The following PALLD variants were observed in gnomAD, a reference collection of about 807,000 sequenced individuals.
PALLD encodes the protein palladin.
A neutral mutation model predicts 123.5 loss-of-function variants in PALLD; 61 were observed. The observed-to-expected ratio is 0.49, with a 90% CI of 0.40 to 0.61. PALLD has a LOEUF of 0.61. PALLD is among the 20% of genes least tolerant of loss of function. PALLD has a pLI of 0.00. For missense variants in PALLD, 1,273 were observed against 1,377.0 expected, an observed-to-expected ratio of 0.92 and a Z score of 1.20; for synonymous variants, 465 against 496.4, an observed-to-expected ratio of 0.94 and a Z score of 0.84.
intron 10 of PALLD, among the ~76,000 whole-genome samples, chr4:168,880,212 G>C (rs1752420261): frequency 6.6e-6 from 1 of 152,206 alleles, no homozygotes; most frequent in African/African-American, 2.4e-5. Flanking sequence ...AGGAGCACTT[G>C]CTTCTTGTCA....
intron 10 of PALLD, among the ~76,000 whole-genome samples, chr4:168,768,894 T>C (rs542841651): frequency 3.3e-4 from 50 of 151,714 alleles, no homozygotes; most frequent in Non-Finnish European, 5.4e-4. Context: ...AGTGATGCCA[T>C]CTCAGCTCAC....
At chr4:168,911,301 A>T (rs1758892585) in intron 15 of PALLD, among the ~76,000 whole-genome samples, 1 of 152,240 alleles carries the variant, frequency 6.6e-6, no homozygotes, top group Non-Finnish European at 1.5e-5. Flanking sequence ...TTAAGTCTGA[A>T]TTTAACTTAC....
intron 10 of PALLD, chr4:168,878,105 C>A: frequency 6.9e-7 from 1 of 1,447,716 alleles, no homozygotes. Context: ...CTTCGCGCAG[C>A]CCTTCGGCGC....
intron 10 of PALLD, among the ~76,000 whole-genome samples, chr4:168,761,641 G>GTTTGTTTTTTTTT (rs1391848363): frequency 8.6e-5 from 1 of 11,650 alleles, no homozygotes; most frequent in Non-Finnish European, 2.1e-4. Flanking sequence ...TGTTGTTGTT[G>GTTTGTTTTTTTTT]TTTGTTTTTT....
chr4:168,583,473 A>G (rs1218400137), intron 2 of PALLD, among the ~76,000 whole-genome samples: 1 of 152,158 alleles, frequency 6.6e-6, no homozygotes, highest in Non-Finnish European at 1.5e-5. Flanking sequence ...AAGAGCTCCC[A>G]GGGAGTACTG....
intron 2 of PALLD, among the ~76,000 whole-genome samples, chr4:168,603,244 A>T (rs1404423598): frequency 5.9e-5 from 9 of 152,254 alleles, no homozygotes; most frequent in Admixed American, 4.6e-4. Context: ...ACATTTTAAT[A>T]GACCACTTAA....
intron 2 of PALLD, among the ~76,000 whole-genome samples, chr4:168,657,534 T>A (rs1209971301): frequency 6.6e-6 from 1 of 152,186 alleles, no homozygotes; most frequent in Non-Finnish European, 1.5e-5. Context: ...AAGAAATTAT[T>A]TAGGCAGATA....
At chr4:168,884,819 T>G (rs185668022) in intron 10 of PALLD, among the ~76,000 whole-genome samples, 143 of 152,324 alleles carry the variant, frequency 9.4e-4, no homozygotes, top group Non-Finnish European at 1.8e-3. Flanking sequence ...CTCTGTGACT[T>G]ACTTCCATGC....
Position 168,681,572 on chromosome 4 carries a change from G to T in PALLD, c.1154+174G>T, listed in dbSNP as rs79082604. On this transcript the variant is annotated intron_variant, in intron 4 of 21. Coordinates refer to ENST00000505667, the MANE Select transcript of PALLD (RefSeq NM_001166108.2). Reference sequence around the variant, plus strand: ...TTTTTTTTTTTTTTTTTGAGACAGGGTCTCACTCTGTCACCCAGGTTGAAG... The same window carrying T: ...TTTTTTTTTTTTTTTTTGAGACAGGTTCTCACTCTGTCACCCAGGTTGAAG... 1.4e-3 allele frequency among the ~76,000 whole-genome samples: 172 copies of T among 120,322 alleles called. 4 individuals are homozygous for T. In the East Asian group the frequency reaches 0.028, roughly 20 times the overall value. 78.9% of individuals were successfully genotyped at this position (120,322 alleles called of 152,430 possible). A position where few individuals can be genotyped will look rare whatever the true frequency, so the allele number is the denominator to read the frequency against.
At chr4:168,586,452 C>A (rs1237170937) in intron 2 of PALLD, among the ~76,000 whole-genome samples, 1 of 152,152 alleles carries the variant, frequency 6.6e-6, no homozygotes, top group Non-Finnish European at 1.5e-5. Context: ...GGACCCAATT[C>A]GTTTTGCTGT....
At chr4:168,509,975 C>T (rs10518002) in intron 1 of PALLD, among the ~76,000 whole-genome samples, 13,037 of 152,178 alleles carry the variant, frequency 0.086, 808 homozygotes, top group Non-Finnish European at 0.12. Context: ...GAAGATACTT[C>T]TACGCAAGCA....
intron 10 of PALLD, among the ~76,000 whole-genome samples, chr4:168,839,316 TCC>T (rs1391968487): frequency 3.0e-4 from 46 of 152,224 alleles, no homozygotes; most frequent in Admixed American, 1.3e-3. Flanking sequence ...CAAGCCTCAT[TCC>T]CACCAGATGG....
rs1246433451 is a variant in PALLD, at chr4:168,683,078, A to G, written c.1235A>G (p.Gln412Arg). ...PKTGVTTAVIQPLSVPVQQVH... is the reference protein window; with the variant it reads ...PKTGVTTAVIRPLSVPVQQVH... Reference sequence around the variant, plus strand: ...ACAGGGGTGACCACAGCTGTGATTCAACCACTGTCTGTCCCTGTGCAACAG... The same window carrying G: ...ACAGGGGTGACCACAGCTGTGATTCGACCACTGTCTGTCCCTGTGCAACAG... The change falls in exon 5 of 22, where the codon CAA becomes CGA. Residue 412 changes from glutamine (Q) to arginine (R), a missense_variant. By Grantham distance (43) the Gln-to-Arg change is conservative (BLOSUM62 1). Around this residue, in one of 2 missense-constraint regions of PALLD, gnomAD observed 944 missense variants for 954.5 expected, o/e 0.99. Transcript: ENST00000505667. 6.2e-7 allele frequency: 1 copy of G among 1,609,068 alleles called. No homozygotes were observed. The highest frequency in any genetic ancestry group is 8.5e-7 in the Non-Finnish European group (1 of 1,175,576).
chr4:168,615,998 C>A (rs1452476479), intron 2 of PALLD, among the ~76,000 whole-genome samples: 1 of 151,768 alleles, frequency 6.6e-6, no homozygotes, highest in African/African-American at 2.4e-5. Context: ...TTTTCTTTTT[C>A]CTTTTTTAAG....
chr4:168,640,935 A>G (rs1443683264), intron 2 of PALLD, among the ~76,000 whole-genome samples: 1 of 152,168 alleles, frequency 6.6e-6, no homozygotes, highest in Non-Finnish European at 1.5e-5. Flanking sequence ...CAGGCCGGGC[A>G]CGGTGGCCTA....
intron 2 of PALLD, among the ~76,000 whole-genome samples, chr4:168,657,319 C>T (rs1166911844): frequency 6.6e-6 from 1 of 152,156 alleles, no homozygotes; most frequent in Non-Finnish European, 1.5e-5. Flanking sequence ...CCTATTTGGC[C>T]ACAGAAACCT....
chr4:168,876,301 G>C (rs1488310761), intron 10 of PALLD, among the ~76,000 whole-genome samples: 1 of 152,192 alleles, frequency 6.6e-6, no homozygotes, highest in African/African-American at 2.4e-5. Flanking sequence ...ATGAATGCCA[G>C]AGCACATGTG....
chr4:168,802,783 T>G (rs1739546929), intron 10 of PALLD, among the ~76,000 whole-genome samples: 1 of 152,084 alleles, frequency 6.6e-6, no homozygotes, highest in South Asian at 2.1e-4. Context: ...CTCTGCCTCC[T>G]GGGTTCAAGC....
chr4:168,892,552 C>T (rs1754294197), intron 11 of PALLD, among the ~76,000 whole-genome samples: 1 of 152,112 alleles, frequency 6.6e-6, no homozygotes, highest in African/African-American at 2.4e-5. Context: ...ACTCATTTCA[C>T]TGAGTATAGA....
Sources: allele counts gnomAD v4.1 joint callset (sites outside exome capture counted in the v4.1 genomes callset), GRCh38; gene constraint gnomAD v4.1.1; regional missense constraint gnomAD v4.1.1; transcripts MANE v1.5; gene names NCBI Gene and HGNC (gene_info 2026-07-23, HGNC 2026-07-21).